The following IQSEC1 variants were observed in gnomAD, a reference collection of about 807,000 sequenced individuals.
IQSEC1 encodes the protein IQ motif and Sec7 domain ArfGEF 1, also known as IQ motif and SEC7 domain-containing protein 1.
IQSEC1 carries 31 observed loss-of-function variants against 91.0 expected under a neutral mutation model. The observed-to-expected ratio is 0.34, with a 90% CI of 0.26 to 0.46. The LOEUF is 0.46. Ranked by LOEUF, IQSEC1 falls within the 20% of genes least tolerant of loss-of-function variation. IQSEC1 has a pLI of 1.00. For synonymous variants in IQSEC1, 699 were observed against 662.6 expected (o/e 1.05, Z -0.84); for missense variants, 1,388 against 1,575.6 (o/e 0.88, Z 2.02).
At chr3:13,118,315 AC>A (rs1706369012) in intron 2 of IQSEC1, among the ~76,000 whole-genome samples, 1 of 152,224 alleles carries the variant, frequency 6.6e-6, no homozygotes, top group African/African-American at 2.4e-5. Flanking sequence ...CTGGGTATAG[AC>A]CCCAAAGAAC....
At chr3:13,213,982 A>G (rs921228082) in intron 1 of IQSEC1, among the ~76,000 whole-genome samples, 2 of 151,726 alleles carry the variant, frequency 1.3e-5, no homozygotes, top group African/African-American at 2.4e-5. Context: ...CCCAACCCCA[A>G]CCTGGACCCA....
chr3:13,127,765 C>T (rs1009533092), intron 2 of IQSEC1, among the ~76,000 whole-genome samples: 6 of 152,090 alleles, frequency 3.9e-5, no homozygotes, highest in East Asian at 1.9e-4. Flanking sequence ...TTGAGTTTTC[C>T]GATCCACGAA....
intron 1 of IQSEC1, among the ~76,000 whole-genome samples, chr3:13,200,166 T>C (rs1005262082): frequency 6.8e-6 from 1 of 146,054 alleles, no homozygotes; most frequent in Admixed American, 6.8e-5. Flanking sequence ...CAAACACACA[T>C]ACACACACAT....
chr3:13,122,690 G>T (rs1430989189), intron 2 of IQSEC1, among the ~76,000 whole-genome samples: 1 of 152,158 alleles, frequency 6.6e-6, no homozygotes, highest in Non-Finnish European at 1.5e-5. Flanking sequence ...CATCCCACCT[G>T]GTCTCTGTTA....
intron 1 of IQSEC1, among the ~76,000 whole-genome samples, chr3:13,242,567 C>T (rs766814958): frequency 2.6e-5 from 4 of 152,208 alleles, no homozygotes; most frequent in East Asian, 1.9e-4. Flanking sequence ...CCTCTGTGTC[C>T]GTCCACTACA....
chr3:13,179,212 A>G (rs549381193), intron 1 of IQSEC1, among the ~76,000 whole-genome samples: 1 of 152,362 alleles, frequency 6.6e-6, no homozygotes, highest in Non-Finnish European at 1.5e-5. Flanking sequence ...TGAGGTGAGC[A>G]GCAGGACCTA....
At chr3:13,254,096 T>C (rs530663766) in intron 1 of IQSEC1, among the ~76,000 whole-genome samples, 1 of 152,378 alleles carries the variant, frequency 6.6e-6, no homozygotes, top group East Asian at 1.9e-4. Context: ...AGCCGTCACG[T>C]TGACCTGGAG....
chr3:13,262,622 C>T (rs997876968), intron 1 of IQSEC1, among the ~76,000 whole-genome samples: 2 of 152,230 alleles, frequency 1.3e-5, no homozygotes, highest in African/African-American at 4.8e-5. Flanking sequence ...ACCCAATGCA[C>T]ATGGCTTCAT....
At chr3:12,964,925 GT>G in intron 1 of IQSEC1, among the ~76,000 whole-genome samples, 1 of 152,212 alleles carries the variant, frequency 6.6e-6, no homozygotes, top group Non-Finnish European at 1.5e-5. Flanking sequence ...TTGTCACACT[GT>G]TTGACTATGC....
intron 1 of IQSEC1, among the ~76,000 whole-genome samples, chr3:13,186,240 C>T (rs1693929737): frequency 6.6e-6 from 1 of 152,156 alleles, no homozygotes; most frequent in African/African-American, 2.4e-5. Flanking sequence ...GTCTCATTTG[C>T]TATTGGGTCC....
intron 1 of IQSEC1, among the ~76,000 whole-genome samples, chr3:13,069,425 C>T (rs1705342425): frequency 6.6e-6 from 1 of 152,098 alleles, no homozygotes; most frequent in South Asian, 2.1e-4. Flanking sequence ...AGGCCCAGTC[C>T]CACCAGTGTC....
chr3:13,058,455 G>C (rs1704953146), intron 1 of IQSEC1, among the ~76,000 whole-genome samples: 1 of 152,186 alleles, frequency 6.6e-6, no homozygotes, highest in African/African-American at 2.4e-5. Context: ...ACATCCTTGG[G>C]GGCAGGGGTT....
At chr3:13,150,469 A>C (rs917567202) in intron 2 of IQSEC1, among the ~76,000 whole-genome samples, 1 of 152,248 alleles carries the variant, frequency 6.6e-6, no homozygotes, top group African/African-American at 2.4e-5. Context: ...AGGTTGGACC[A>C]TGCGTGAGGT....
intron 2 of IQSEC1, among the ~76,000 whole-genome samples, chr3:13,160,346 A>C (rs1436344332): frequency 2.0e-5 from 3 of 152,128 alleles, no homozygotes; most frequent in Admixed American, 6.5e-5. Context: ...TTTTTGGTAG[A>C]GACGGGGTCC....
chr3:12,974,799 G>A (rs1040582248), intron 1 of IQSEC1, among the ~76,000 whole-genome samples: 2 of 150,954 alleles, frequency 1.3e-5, no homozygotes, highest in African/African-American at 2.4e-5. Flanking sequence ...GGTAGGTGGC[G>A]CAGGGAGCCA....
Position 12,899,227 on chromosome 3 carries a change from G to T in IQSEC1, c.*1756C>A. The T allele has an allele frequency of 1.4e-6, 1 of 738,764 alleles. No individual in the cohort carries two copies. The highest frequency in any genetic ancestry group is 2.2e-6 in the Non-Finnish European group (1 of 451,366). 45.8% of individuals were successfully genotyped at this position (738,764 alleles called of 1,614,324 possible). A position where few individuals can be genotyped will look rare whatever the true frequency, so the allele number is the denominator to read the frequency against. The stretch of plus-strand genomic sequence containing the variant: ...AGCCAGCCAGCCAAGGTGACACACA[G>T]CCAGAGGGGGCTCCCCTCTCCTCCT... On this transcript the variant is annotated 3_prime_UTR_variant, in exon 14 of 14. Coordinates refer to ENST00000613206, the MANE Select transcript of IQSEC1 (RefSeq NM_001134382.3).
At chr3:13,032,368 G>C (rs1576192825) in intron 1 of IQSEC1, among the ~76,000 whole-genome samples, 1 of 152,312 alleles carries the variant, frequency 6.6e-6, no homozygotes, top group East Asian at 1.9e-4. Flanking sequence ...CTGGCCCTGT[G>C]AAAGTGGACA....
At position 12,899,529 on chromosome 3, in the gene IQSEC1, A is replaced by G. The variant is rs1694007887; in HGVS notation, c.*1454T>C. 6.5e-7 allele frequency: 1 copy of G among 1,533,328 alleles called. No individual in the cohort carries two copies. The highest frequency in any genetic ancestry group is 8.8e-7 in the Non-Finnish European group (1 of 1,132,934). 95.0% of individuals were successfully genotyped at this position (1,533,328 alleles called of 1,614,324 possible). ...ATGGTGTCACCACAACACAGAAGCG[A>G]CAAGAGCACAGCTGAGAGTCATGTG... On this transcript the variant is annotated 3_prime_UTR_variant, in exon 14 of 14. Coordinates refer to ENST00000613206, the MANE Select transcript of IQSEC1 (RefSeq NM_001134382.3).
intron 2 of IQSEC1, among the ~76,000 whole-genome samples, chr3:13,148,801 A>C (rs146289640): frequency 1.3e-3 from 199 of 152,360 alleles, no homozygotes; most frequent in African/African-American, 4.6e-3. Context: ...GGAAATGAGG[A>C]CACGTCAGGC....
Sources: gnomAD v4.1 joint callset for allele counts (sites outside exome capture counted in the v4.1 genomes callset) on GRCh38, gnomAD v4.1.1 for gene constraint, MANE v1.5 for transcripts, NCBI Gene and HGNC (gene_info 2026-07-23, HGNC 2026-07-21) for gene names.